The following R3HDM2 variants were observed in gnomAD, a reference collection of about 807,000 sequenced individuals.
R3HDM2 encodes R3H domain containing 2.
Under a neutral mutation model 124.5 loss-of-function variants are expected in R3HDM2, and 38 were observed. The ratio of observed to expected loss-of-function variants is 0.31; its 90% CI spans 0.24 to 0.40. The LOEUF (loss-of-function observed/expected upper bound fraction) is 0.40. Among genes scored for constraint, R3HDM2 ranks in the 10% least tolerant of loss-of-function variants. The pLI is 1.00. For synonymous variants in R3HDM2, 391 were observed against 448.0 expected (o/e 0.87, Z 1.61); for missense variants, 869 against 1,236.9 (o/e 0.70, Z 4.46).
At chr12:57,398,549 C>T (rs2067780136) in intron 1 of R3HDM2, among the ~76,000 whole-genome samples, 1 of 151,416 alleles carries the variant, frequency 6.6e-6, no homozygotes, top group African/African-American at 2.4e-5. Flanking sequence ...AGTGCAGTGG[C>T]GTGATCTCGG....
intron 1 of R3HDM2, among the ~76,000 whole-genome samples, chr12:57,416,296 G>A (rs1441448626): frequency 1.3e-5 from 2 of 151,972 alleles, no homozygotes; most frequent in Non-Finnish European, 2.9e-5. Context: ...GGAAGGGAGA[G>A]AACAAACATA....
chr12:57,359,663 G>A (rs2137516217), intron 2 of R3HDM2, among the ~76,000 whole-genome samples: 1 of 152,142 alleles, frequency 6.6e-6, no homozygotes, highest in Non-Finnish European at 1.5e-5. Context: ...TATTGGTAGT[G>A]GTGATTAGAT....
intron 2 of R3HDM2, among the ~76,000 whole-genome samples, chr12:57,310,983 T>C (rs569729468): frequency 6.6e-6 from 1 of 152,326 alleles, no homozygotes; most frequent in East Asian, 1.9e-4. Flanking sequence ...TTTCTCCCCT[T>C]GTTCCCTACA....
At chr12:57,323,264 C>T (rs1212299725) in intron 2 of R3HDM2, among the ~76,000 whole-genome samples, 6 of 151,970 alleles carry the variant, frequency 3.9e-5, no homozygotes, top group Non-Finnish European at 8.8e-5. Context: ...GCCTAACAGC[C>T]GTTTGGAGAA....
intron 6 of R3HDM2, 127 bp from the exon 7 acceptor site, chr12:57,298,295 G>T: frequency 2.8e-6 from 2 of 720,634 alleles, no homozygotes; most frequent in Non-Finnish European, 4.5e-6. Flanking sequence ...AACTTCCAGG[G>T]TTTTAACATA....
chr12:57,395,512 A>T (rs1252084012), intron 2 of R3HDM2, among the ~76,000 whole-genome samples: 1 of 151,990 alleles, frequency 6.6e-6, no homozygotes, highest in Admixed American at 6.6e-5. Flanking sequence ...TCAAAAAAAA[A>T]AAGGTGATCT....
chr12:57,267,362 C>G (rs1032721929), intron 18 of R3HDM2, among the ~76,000 whole-genome samples: 1 of 152,192 alleles, frequency 6.6e-6, no homozygotes, highest in African/African-American at 2.4e-5. Context: ...CGAGACCAAC[C>G]TGGCCAACAT....
In R3HDM2 at chr12:57,268,477, G is replaced by T; in HGVS notation, c.1876-20C>A. 1 of 1,612,978 alleles carries T rather than the reference G, an allele frequency of 6.2e-7. No individual in the cohort carries two copies. ...TGGAACCTGGGTGAGAAAGAGAAGA[G>T]AAAGAATCACATTCGCATTCACATT... is the stretch of plus-strand genomic sequence containing the variant. On this transcript the variant is annotated intron_variant, in intron 17 of 23. Coordinates refer to ENST00000402412, the MANE Select transcript of R3HDM2 (RefSeq NM_001394031.1).
At chr12:57,325,785 C>T (rs2136421043) in intron 2 of R3HDM2, among the ~76,000 whole-genome samples, 1 of 151,536 alleles carries the variant, frequency 6.6e-6, no homozygotes, top group South Asian at 2.1e-4. Flanking sequence ...CTCAAGCAAT[C>T]CTGCCACCTC....
At chr12:57,276,142 G>A (rs2044667622) in intron 14 of R3HDM2, among the ~76,000 whole-genome samples, 2 of 151,074 alleles carry the variant, frequency 1.3e-5, no homozygotes, top group African/African-American at 2.4e-5. Flanking sequence ...GCATGAACCC[G>A]GAGCTTGCAG....
At chr12:57,313,387 C>T (rs992938274) in intron 2 of R3HDM2, among the ~76,000 whole-genome samples, 1 of 151,716 alleles carries the variant, frequency 6.6e-6, no homozygotes, top group African/African-American at 2.4e-5. Context: ...CAGTGAGACC[C>T]TGTCTCTACA....
At chr12:57,424,928 T>C (rs80095408) in intron 1 of R3HDM2, among the ~76,000 whole-genome samples, 9,053 of 152,210 alleles carry the variant, frequency 0.059, 779 homozygotes, top group African/African-American at 0.19. Flanking sequence ...ATTTGTCACA[T>C]GAGCCTGGGC....
Position 57,269,851 on chromosome 12 carries a change from C to T in R3HDM2, c.1488G>A (p.Thr496=). 1 of 1,614,016 alleles carries T rather than the reference C, an allele frequency of 6.2e-7. No individual in the cohort carries two copies. The highest frequency in any genetic ancestry group is 8.5e-7 in the Non-Finnish European group (1 of 1,180,016). The change falls in exon 15 of 24, where the codon ACG becomes ACA. Residue 496 remains threonine, a synonymous_variant. Coordinates refer to ENST00000402412, the MANE Select transcript of R3HDM2 (RefSeq NM_001394031.1). ...PQQTSFIMAS[T]GQPLPTSNYS... is the part of the protein sequence containing the mutation. The stretch of plus-strand genomic sequence containing the variant: ...AGTTGGAAGTGGGGAGGGGCTGACC[C>T]GTGGAAGCCATGATGAAGCTAGTCT...
chr12:57,313,882 GAAAAAAAAAAAAA>G (rs869177467), intron 2 of R3HDM2, among the ~76,000 whole-genome samples: 1 of 60,494 alleles, frequency 1.7e-5, no homozygotes, highest in African/African-American at 7.3e-5. Context: ...TCCTGTCTCT[GAAAAAAAAAAAAA>G]AAAAAAAAAA....
intron 2 of R3HDM2, among the ~76,000 whole-genome samples, chr12:57,321,297 C>T (rs1160818262): frequency 1.3e-5 from 2 of 152,146 alleles, no homozygotes; most frequent in Admixed American, 1.3e-4. Flanking sequence ...GAAATACAGA[C>T]AGTCCCAAGC....
chr12:57,377,853 C>T (rs546385742), intron 2 of R3HDM2, among the ~76,000 whole-genome samples: 12 of 152,020 alleles, frequency 7.9e-5, no homozygotes, highest in African/African-American at 2.9e-4. Flanking sequence ...TTTGGGAGGC[C>T]GAGGTGGGCG....
chr12:57,361,362 C>T (rs370376440), intron 2 of R3HDM2, among the ~76,000 whole-genome samples: 2 of 99,616 alleles, frequency 2.0e-5, no homozygotes, highest in Non-Finnish European at 3.7e-5. Context: ...GCATCAAGAA[C>T]GAAACTCTGT....
chr12:57,376,138 T>C (rs1018926094), intron 2 of R3HDM2, among the ~76,000 whole-genome samples: 6 of 152,204 alleles, frequency 3.9e-5, no homozygotes, highest in East Asian at 3.8e-4. Flanking sequence ...TCATTGAAGA[T>C]AGAACCACTA....
At chr12:57,430,497 A>AC in intron 1 of R3HDM2, 2 of 381,588 alleles carry the variant, frequency 5.2e-6, no homozygotes, top group Non-Finnish European at 7.1e-6. Flanking sequence ...CTGCCCCCGC[A>AC]CCGCCGCCCT....
Sources: allele counts gnomAD v4.1 joint callset (sites outside exome capture counted in the v4.1 genomes callset), GRCh38; gene constraint gnomAD v4.1.1; transcripts MANE v1.5; gene names NCBI Gene and HGNC (gene_info 2026-07-23, HGNC 2026-07-21).